Variants in IGF2BP3 observed in about 807,000 individuals in gnomAD.
IGF2BP3 encodes the protein insulin like growth factor 2 mRNA binding protein 3.
Under a neutral mutation model 73.8 loss-of-function variants are expected in IGF2BP3, and 9 were observed. The observed-to-expected ratio is 0.12, with a 90% CI of 0.07 to 0.21. IGF2BP3 has a LOEUF of 0.21. IGF2BP3 is among the 10% of genes least tolerant of loss of function. The probability of loss-of-function intolerance (pLI) is 1.00; values close to 1 mark genes in which losing one functional copy is unlikely to be tolerated. For missense variants in IGF2BP3, 542 were observed against 714.0 expected, an observed-to-expected ratio of 0.76 and a Z score of 2.75; for synonymous variants, 258 against 256.7, an observed-to-expected ratio of 1.01 and a Z score of -0.05.
intron 6 of IGF2BP3, among the ~76,000 whole-genome samples, chr7:23,350,610 C>T (rs997012491): frequency 1.3e-5 from 2 of 152,228 alleles, no homozygotes; most frequent in African/African-American, 4.8e-5. Context: ...AGGCTTCAAA[C>T]ATAATTCACA....
chr7:23,469,612 T>TGGAGCACGCGCCTGGGCCC lies in IGF2BP3; in HGVS notation c.175+305_175+323dup, dbSNP rs1352715938. On this transcript the variant is annotated intron_variant, in intron 1 of 14. Coordinates refer to ENST00000258729, the MANE Select transcript of IGF2BP3 (RefSeq NM_006547.3). The surrounding 1 kb of genome is among the most constrained non-coding windows in gnomAD (Gnocchi z 6.1). ...CCCCGAGGCCCAGCGTGCCGGGGCC[T>TGGAGCACGCGCCTGGGCCC]GGAGCACGCGCCTGGGCCCGGGCGG... 1 of 161,538 alleles carries TGGAGCACGCGCCTGGGCCC rather than the reference T, an allele frequency of 6.2e-6. No individual in the cohort carries two copies. Among genetic ancestry groups the TGGAGCACGCGCCTGGGCCC allele is most frequent in the Admixed American group, 6.4e-5 (1 of 15,506 alleles). The allele number at this position is 161,538 out of a possible 1,614,324, so 10.0% of individuals were successfully genotyped here. A position where few individuals can be genotyped will look rare whatever the true frequency, so the allele number is the denominator to read the frequency against.
intron 3 of IGF2BP3, among the ~76,000 whole-genome samples, chr7:23,378,123 A>T (rs55765025): frequency 0.016 from 2,472 of 152,268 alleles, 64 homozygotes; most frequent in African/African-American, 0.057. Context: ...TTCGATTTTT[A>T]AAAAAATTAA....
At chr7:23,460,425 A>G (rs1788422452) in intron 2 of IGF2BP3, among the ~76,000 whole-genome samples, 1 of 151,558 alleles carries the variant, frequency 6.6e-6, no homozygotes, top group South Asian at 2.1e-4. Context: ...CCAGCTATTC[A>G]AGAGGCTGAA....
intron 2 of IGF2BP3, among the ~76,000 whole-genome samples, chr7:23,429,988 C>T (rs1483542299): frequency 6.6e-6 from 1 of 152,218 alleles, no homozygotes; most frequent in African/African-American, 2.4e-5. Context: ...TCACTGCTTC[C>T]CTGCTTTATA....
chr7:23,435,591 G>T (rs1787790772), intron 2 of IGF2BP3, among the ~76,000 whole-genome samples: 1 of 151,736 alleles, frequency 6.6e-6, no homozygotes, highest in African/African-American at 2.4e-5. Context: ...GAGTAGCTGG[G>T]ATTACAGGCG....
chr7:23,312,925 C>G (rs1413096242), intron 13 of IGF2BP3, 77 bp from the exon 14 acceptor site: 4 of 836,268 alleles, frequency 4.8e-6, no homozygotes, highest in South Asian at 1.6e-5. Flanking sequence ...GTGCGCCAGA[C>G]AGTGAGCTAT....
intron 10 of IGF2BP3, among the ~76,000 whole-genome samples, chr7:23,335,439 C>A (rs570885382): frequency 6.6e-6 from 1 of 152,024 alleles, no homozygotes; most frequent in South Asian, 2.1e-4. Flanking sequence ...GGCCACCACC[C>A]CCGGCTAATC....
chr7:23,433,872 C>A (rs1462864782), intron 2 of IGF2BP3, among the ~76,000 whole-genome samples: 1 of 152,054 alleles, frequency 6.6e-6, no homozygotes, highest in Admixed American at 6.6e-5. Flanking sequence ...ATCAAGAGTT[C>A]AAGACCAGTC....
intron 2 of IGF2BP3, among the ~76,000 whole-genome samples, chr7:23,444,786 G>A (rs1484098527): frequency 6.6e-6 from 1 of 151,548 alleles, no homozygotes; most frequent in Non-Finnish European, 1.5e-5. Flanking sequence ...AAACAGTGAG[G>A]TAGTTGGGTT....
intron 10 of IGF2BP3, among the ~76,000 whole-genome samples, chr7:23,332,924 T>C (rs1784478856): frequency 6.6e-6 from 1 of 152,244 alleles, no homozygotes; most frequent in Non-Finnish European, 1.5e-5. Flanking sequence ...CCGTATTATG[T>C]TCTTCTGAAC....
At chr7:23,448,134 T>C (rs1788108540) in intron 2 of IGF2BP3, among the ~76,000 whole-genome samples, 1 of 152,176 alleles carries the variant, frequency 6.6e-6, no homozygotes, top group Non-Finnish European at 1.5e-5. Context: ...ATACAGTGAG[T>C]GACCACAAGG....
intron 3 of IGF2BP3, among the ~76,000 whole-genome samples, chr7:23,370,950 A>T (rs994285567): frequency 3.3e-5 from 5 of 152,152 alleles, no homozygotes; most frequent in African/African-American, 1.2e-4. Flanking sequence ...AAATGCTGGG[A>T]TTACAGGCGT....
At chr7:23,401,430 C>T (rs1260070644) in intron 3 of IGF2BP3, among the ~76,000 whole-genome samples, 1 of 152,082 alleles carries the variant, frequency 6.6e-6, no homozygotes, top group East Asian at 1.9e-4. Flanking sequence ...ACTCACAGTA[C>T]AAAAAATACA....
At chr7:23,428,426 C>T (rs1343222367) in intron 2 of IGF2BP3, among the ~76,000 whole-genome samples, 3 of 151,578 alleles carry the variant, frequency 2.0e-5, no homozygotes, top group East Asian at 3.9e-4. Context: ...GAGCTGAGAT[C>T]GCACCACTGC....
At chr7:23,459,653 A>T (rs1399026582) in intron 2 of IGF2BP3, among the ~76,000 whole-genome samples, 1 of 151,830 alleles carries the variant, frequency 6.6e-6, no homozygotes, top group Admixed American at 6.6e-5. Flanking sequence ...CAACATGGTG[A>T]AACCCCATCT....
chr7:23,407,056 A>G (rs1786854526), intron 3 of IGF2BP3, among the ~76,000 whole-genome samples: 1 of 152,128 alleles, frequency 6.6e-6, no homozygotes, highest in South Asian at 2.1e-4. Context: ...ATTTTAAGAG[A>G]GAGAACACAA....
intron 2 of IGF2BP3, among the ~76,000 whole-genome samples, chr7:23,463,980 CAT>C (rs1788507182): frequency 6.6e-6 from 1 of 152,202 alleles, no homozygotes; most frequent in Middle Eastern, 3.2e-3. Context: ...CAAGTCTCTG[CAT>C]GTGTGAGAAA....
rs369952811 is a variant in IGF2BP3 at position 23,315,190 on chromosome 7, C to T, written c.1396-1537G>A. On this transcript the variant is annotated intron_variant, in intron 12 of 14. Transcript: ENST00000258729. ...TGGTGCGATCTCAGCACACTGCAACCTCTGTCTCCTGGGTTCAAGTGACTC... is the reference window on the plus strand; with the variant it reads ...TGGTGCGATCTCAGCACACTGCAACTTCTGTCTCCTGGGTTCAAGTGACTC... Among the ~76,000 whole-genome samples the T allele has an allele frequency of 1.6e-4, 25 of 151,994 alleles. No individual in the cohort carries two copies. The East Asian group carries it at 4.1e-3, about 25-fold the overall frequency.
intron 10 of IGF2BP3, among the ~76,000 whole-genome samples, chr7:23,330,939 A>T (rs551163083): frequency 1.3e-5 from 2 of 152,206 alleles, no homozygotes; most frequent in East Asian, 3.9e-4. Context: ...CTGGAATTAC[A>T]GGTGCACACC....
Sources: gnomAD v4.1 joint callset for allele counts (sites outside exome capture counted in the v4.1 genomes callset) on GRCh38, gnomAD v4.1.1 for gene constraint, Gnocchi (gnomAD v3.1) non-coding constraint, MANE v1.5 for transcripts, NCBI Gene and HGNC (gene_info 2026-07-23, HGNC 2026-07-21) for gene names.